Variants in STK33 observed in about 807,000 individuals in gnomAD.
STK33 encodes the protein serine/threonine kinase 33.
STK33 carries 52 observed loss-of-function variants against 58.0 expected under a neutral mutation model. That is an observed-to-expected ratio of 0.90 (90% CI 0.72 to 1.13). STK33 has a LOEUF of 1.13. STK33 is among the 50% of genes most tolerant of loss of function. The pLI is 0.00. For missense variants in STK33, 630 were observed against 604.2 expected, an observed-to-expected ratio of 1.04 and a Z score of -0.45; for synonymous variants, 215 against 200.1, an observed-to-expected ratio of 1.07 and a Z score of -0.63.
the STK33 span, among the ~76,000 whole-genome samples, chr11:8,353,232 G>C: frequency 6.6e-6 from 1 of 152,210 alleles, no homozygotes; most frequent in Non-Finnish European, 1.5e-5. Flanking sequence ...CACCCTTCCT[G>C]GGTCAGCAAG....
chr11:8,478,894 G>GTT (rs1257408327), intron 2 of STK33, among the ~76,000 whole-genome samples: 1 of 152,140 alleles, frequency 6.6e-6, no homozygotes, highest in Admixed American at 6.5e-5. Flanking sequence ...ACTAGCACTT[G>GTT]TTTATTCTTT....
chr11:8,458,660 A>G (rs1343928385), intron 8 of STK33, among the ~76,000 whole-genome samples: 1 of 152,190 alleles, frequency 6.6e-6, no homozygotes, highest in Non-Finnish European at 1.5e-5. Context: ...GGGCCATATT[A>G]AGATCACTTT....
At chr11:8,501,612 G>C (rs1951520672) in intron 1 of STK33, among the ~76,000 whole-genome samples, 1 of 152,142 alleles carries the variant, frequency 6.6e-6, no homozygotes, top group African/African-American at 2.4e-5. Flanking sequence ...ATGTAAAATG[G>C]TATAGCCAGA....
At chr11:8,467,168 C>T (rs1948286815) in intron 6 of STK33, 1 of 152,212 alleles carries the variant, frequency 6.6e-6, no homozygotes, top group South Asian at 2.1e-4. Context: ...CATTTGCCTC[C>T]TGGTTGCTTA....
intron 15 of STK33, among the ~76,000 whole-genome samples, chr11:8,402,688 C>T (rs1481603003): frequency 5.3e-5 from 8 of 152,168 alleles, no homozygotes; most frequent in East Asian, 1.9e-4. Flanking sequence ...TAACAGGACA[C>T]GGATGCTGAA....
At chr11:8,466,236 A>T (rs1391844952) in intron 6 of STK33, 1 of 152,096 alleles carries the variant, frequency 6.6e-6, no homozygotes, top group Non-Finnish European at 1.5e-5. Flanking sequence ...CAAAGTCTCA[A>T]CTCATTTCAG....
downstream of STK33, among the ~76,000 whole-genome samples, chr11:8,391,073 C>G (rs1848614614): frequency 6.6e-6 from 1 of 152,126 alleles, no homozygotes; most frequent in South Asian, 2.1e-4. Context: ...ACACATCTGC[C>G]TTTGAGACTA....
intron 15 of STK33, among the ~76,000 whole-genome samples, chr11:8,408,585 T>C (rs1373469052): frequency 6.6e-6 from 1 of 152,260 alleles, no homozygotes; most frequent in Non-Finnish European, 1.5e-5. Context: ...TCAAGATTCA[T>C]GTTAGCACAA....
chr11:8,458,055 T>C (rs1947088670), intron 8 of STK33, among the ~76,000 whole-genome samples: 1 of 152,156 alleles, frequency 6.6e-6, no homozygotes. Context: ...TTTTCCCATA[T>C]GCAATAAGGA....
chr11:8,403,393 G>A (rs1453430130), intron 15 of STK33, among the ~76,000 whole-genome samples: 1 of 152,216 alleles, frequency 6.6e-6, no homozygotes, highest in Non-Finnish European at 1.5e-5. Flanking sequence ...ATTAAGGGAT[G>A]AAGGTTTCTT....
At chr11:8,461,959 A>G in intron 7 of STK33, 50 bp from the exon 8 acceptor site, 1 of 1,376,484 alleles carries the variant, frequency 7.3e-7, no homozygotes, top group Non-Finnish European at 9.9e-7. Context: ...TCACTCCTAC[A>G]TTCCTTGATA....
At chr11:8,335,814 T>A in the STK33 span, among the ~76,000 whole-genome samples, 12 of 152,366 alleles carry the variant, frequency 7.9e-5, no homozygotes, top group Admixed American at 6.5e-4. Context: ...TACATTCTTC[T>A]ATGGTGATGA....
At chr11:8,385,295 C>A in the STK33 span, among the ~76,000 whole-genome samples, 3 of 152,206 alleles carry the variant, frequency 2.0e-5, no homozygotes, top group Non-Finnish European at 4.4e-5. Flanking sequence ...CATAATCAGA[C>A]GTCGAGCCCT....
intron 14 of STK33, among the ~76,000 whole-genome samples, chr11:8,434,638 T>C (rs1943843165): frequency 2.0e-5 from 3 of 152,160 alleles, no homozygotes; most frequent in Admixed American, 1.3e-4. Context: ...TATGGTTCCT[T>C]GCATCTTGTT....
chr11:8,567,158 A>C (rs1957507851), intron 1 of STK33: 1 of 152,068 alleles, frequency 6.6e-6, no homozygotes, highest in African/African-American at 2.4e-5. Flanking sequence ...AATAATAATA[A>C]CAATGTTTAA....
chr11:8,541,273 TC>T (rs773317324), intron 1 of STK33, among the ~76,000 whole-genome samples: 1 of 152,174 alleles, frequency 6.6e-6, no homozygotes, highest in Non-Finnish European at 1.5e-5. Flanking sequence ...TCTCTCCTTT[TC>T]CAAAGAGGTT....
intron 15 of STK33, among the ~76,000 whole-genome samples, chr11:8,402,324 A>G (rs977162351): frequency 2.0e-5 from 3 of 152,186 alleles, no homozygotes; most frequent in African/African-American, 2.4e-5. Context: ...AGGGACATGG[A>G]TGAAGCTGGA....
chr11:8,351,310 T>C, the STK33 span, among the ~76,000 whole-genome samples: 1 of 151,976 alleles, frequency 6.6e-6, no homozygotes, highest in African/African-American at 2.4e-5. Flanking sequence ...CACCCCTACC[T>C]CTACTTTTAA....
At chr11:8,550,172 T>C (rs1283211080) in intron 1 of STK33, among the ~76,000 whole-genome samples, 3 of 152,242 alleles carry the variant, frequency 2.0e-5, no homozygotes, top group Non-Finnish European at 4.4e-5. Context: ...TATTTTATGA[T>C]AGTAATAATT....
Sources: gnomAD v4.1 joint callset for allele counts (sites outside exome capture counted in the v4.1 genomes callset) on GRCh38, gnomAD v4.1.1 for gene constraint, MANE v1.5 for transcripts, NCBI Gene and HGNC (gene_info 2026-07-23, HGNC 2026-07-21) for gene names.